ERBB4: variants seen among roughly 807,000 people sequenced by gnomAD.
The protein encoded by ERBB4 is erb-b2 receptor tyrosine kinase 4.
In ERBB4, 42 loss-of-function variants were observed where a neutral mutation model predicts 158.0. That is an observed-to-expected ratio of 0.27 (90% confidence interval 0.21 to 0.34). The LOEUF (loss-of-function observed/expected upper bound fraction) is 0.34, where lower values mean the gene tolerates loss of function less well. Among genes scored for constraint, ERBB4 ranks in the 10% least tolerant of loss-of-function variants. The pLI is 1.00. For missense variants in ERBB4, 1,333 were observed against 1,624.1 expected, an observed-to-expected ratio of 0.82 and a Z score of 3.08; for synonymous variants, 583 against 558.7, an observed-to-expected ratio of 1.04 and a Z score of -0.61.
chr2:212,456,348 T>C (rs1407308211), intron 1 of ERBB4, among the ~76,000 whole-genome samples: 1 of 152,056 alleles, frequency 6.6e-6, no homozygotes, highest in Non-Finnish European at 1.5e-5. Flanking sequence ...TCAGAAAATA[T>C]TGCATACACT....
chr2:212,477,601 A>G (rs1005595440), intron 1 of ERBB4, among the ~76,000 whole-genome samples: 2 of 152,132 alleles, frequency 1.3e-5, no homozygotes, highest in African/African-American at 4.8e-5. Context: ...TGATAAGAAA[A>G]CATGTTTTTA....
rs1357349835 is a variant in ERBB4 at position 212,003,174 on chromosome 2, AAAGAAAGAAAG to A, written c.235-55569_235-55559del. ...GAAAGAAAGAAAGAAAGAAAGAAAG[AAAGAAAGAAAG>A]AAAGAAAGAAAGAAAGAAAGACAGA... On this transcript the variant is annotated intron_variant, in intron 2 of 27. Transcript: ENST00000342788. Among the ~76,000 whole-genome samples the A allele has an allele frequency of 9.0e-5, 4 of 44,618 alleles. No homozygotes were observed. The South Asian group carries it at 2.9e-3, about 32-fold the overall frequency. The allele number at this position is 44,618 out of a possible 152,430, so 29.3% of individuals were successfully genotyped here.
intron 20 of ERBB4, among the ~76,000 whole-genome samples, chr2:211,494,372 A>G (rs2065418462): frequency 6.6e-6 from 1 of 151,828 alleles, no homozygotes; most frequent in Non-Finnish European, 1.5e-5. Context: ...CAGCTCTGAA[A>G]CAAGTAAGAG....
At chr2:212,089,973 A>C (rs2078725128) in intron 2 of ERBB4, among the ~76,000 whole-genome samples, 1 of 152,144 alleles carries the variant, frequency 6.6e-6, no homozygotes, top group Non-Finnish European at 1.5e-5. Context: ...TAAAATGTCT[A>C]CCAGGCCTTC....
At chr2:211,634,052 C>T (rs1035850113) in intron 16 of ERBB4, among the ~76,000 whole-genome samples, 3 of 152,068 alleles carry the variant, frequency 2.0e-5, no homozygotes, top group African/African-American at 7.2e-5. Context: ...CCAGCCACTC[C>T]AGAGGCCGAG....
At chr2:211,659,997 G>A (rs182411611) in intron 15 of ERBB4, among the ~76,000 whole-genome samples, 3 of 152,196 alleles carry the variant, frequency 2.0e-5, no homozygotes, top group African/African-American at 2.4e-5. Context: ...TTGGGGTGGC[G>A]GTGGCTTCTG....
chr2:211,554,147 A>G (rs2067175734), intron 20 of ERBB4, among the ~76,000 whole-genome samples: 1 of 152,188 alleles, frequency 6.6e-6, no homozygotes, highest in African/African-American at 2.4e-5. Context: ...TTTAAGCTGC[A>G]GTGATGTGTG....
At chr2:211,789,780 C>T (rs1384031674) in intron 3 of ERBB4, among the ~76,000 whole-genome samples, 1 of 152,024 alleles carries the variant, frequency 6.6e-6, no homozygotes, top group East Asian at 1.9e-4. Context: ...TAGGAGTCAT[C>T]TTCAACTGAA....
intron 2 of ERBB4, among the ~76,000 whole-genome samples, chr2:212,070,569 G>C (rs892309094): frequency 6.6e-6 from 1 of 152,016 alleles, no homozygotes; most frequent in African/African-American, 2.4e-5. Flanking sequence ...TTTGGCCAGG[G>C]AATCAAGACT....
At chr2:211,956,029 A>AGTGTGTGTGTGTGTGT (rs3070122) in intron 2 of ERBB4, among the ~76,000 whole-genome samples, 1 of 146,332 alleles carries the variant, frequency 6.8e-6, no homozygotes, top group Non-Finnish European at 1.5e-5. Context: ...TCATCTCTAA[A>AGTGTGTGTGTGTGTGT]GTGTGTGTGT....
rs371434808 is a variant in ERBB4, at chr2:211,782,886, G to C, written c.556+5139C>G. The stretch of plus-strand genomic sequence containing the variant: ...TTTTTGGTTCCATATGAACTTTAAA[G>C]TAGTTTTTTCCAATTCTGTGAAGAA... On this transcript the variant is annotated intron_variant, in intron 4 of 27. Transcript: ENST00000342788. Among the ~76,000 whole-genome samples, 918 of 152,294 alleles carry C rather than the reference G, an allele frequency of 6.0e-3. 17 individuals carry two copies. The highest frequency in any genetic ancestry group is 0.048 in the Middle Eastern group (14 of 294).
At chr2:211,439,871 T>C (rs1428330107) in intron 20 of ERBB4, among the ~76,000 whole-genome samples, 1 of 152,048 alleles carries the variant, frequency 6.6e-6, no homozygotes, top group Admixed American at 6.6e-5. Context: ...CTCCCAGGGG[T>C]AGAGAAGGGG....
chr2:211,828,388 C>T (rs2077148543), intron 3 of ERBB4, among the ~76,000 whole-genome samples: 1 of 152,072 alleles, frequency 6.6e-6, no homozygotes, highest in African/African-American at 2.4e-5. Flanking sequence ...GTAGAACAAG[C>T]TCTTCTACTA....
intron 9 of ERBB4, among the ~76,000 whole-genome samples, chr2:211,709,274 T>TGC (rs2073591803): frequency 7.3e-6 from 1 of 136,558 alleles, no homozygotes; most frequent in Non-Finnish European, 1.5e-5. Context: ...TATATATATA[T>TGC]ACATACATAT....
chr2:212,041,597 A>T (rs1575554216), intron 2 of ERBB4, among the ~76,000 whole-genome samples: 1 of 152,076 alleles, frequency 6.6e-6, no homozygotes, highest in East Asian at 1.9e-4. Context: ...ACATAAAAAA[A>T]AAAAACCAGT....
At chr2:211,930,031 C>T (rs900866183) in intron 3 of ERBB4, among the ~76,000 whole-genome samples, 3 of 152,072 alleles carry the variant, frequency 2.0e-5, no homozygotes, top group Middle Eastern at 3.4e-3. Flanking sequence ...ATAGGTATGA[C>T]CTGTTGACAT....
At chr2:212,493,045 C>T (rs550642722) in intron 1 of ERBB4, among the ~76,000 whole-genome samples, 56 of 151,432 alleles carry the variant, frequency 3.7e-4, no homozygotes, top group African/African-American at 9.9e-4. Context: ...CTTCAGTGAA[C>T]GTATGGTGTT....
At chr2:211,523,208 T>C (rs2066237371) in intron 20 of ERBB4, among the ~76,000 whole-genome samples, 1 of 134,460 alleles carries the variant, frequency 7.4e-6, no homozygotes, top group South Asian at 3.3e-4. Flanking sequence ...AGGTGAGCGC[T>C]CACAGTATCT....
intron 3 of ERBB4, among the ~76,000 whole-genome samples, chr2:211,847,472 C>T (rs997084449): frequency 6.6e-6 from 1 of 152,110 alleles, no homozygotes; most frequent in African/African-American, 2.4e-5. Context: ...TGGCCCAATG[C>T]ACAACTGACT....
Sources: allele counts gnomAD v4.1 joint callset (sites outside exome capture counted in the v4.1 genomes callset), GRCh38; gene constraint gnomAD v4.1.1; transcripts MANE v1.5; gene names NCBI Gene and HGNC (gene_info 2026-07-23, HGNC 2026-07-21).